Variants in MAST2 observed in about 807,000 individuals in gnomAD.
MAST2 encodes microtubule-associated serine/threonine-protein kinase 2.
MAST2 carries 70 observed loss-of-function variants against 147.4 expected under a neutral mutation model. The ratio of observed to expected loss-of-function variants is 0.47; its 90% CI spans 0.39 to 0.58. MAST2 has a LOEUF of 0.58. Ranked by LOEUF, MAST2 falls within the 20% of genes least tolerant of loss-of-function variation. The probability of loss-of-function intolerance (pLI) is 0.00; values close to 1 mark genes in which losing one functional copy is unlikely to be tolerated. For missense variants in MAST2, 2,080 were observed against 2,302.3 expected (o/e 0.90, Z 1.98); for synonymous variants, 869 against 896.8 (o/e 0.97, Z 0.55).
chr1:45,877,501 A>C (rs916788357), intron 3 of MAST2, among the ~76,000 whole-genome samples: 1 of 152,196 alleles, frequency 6.6e-6, no homozygotes, highest in African/African-American at 2.4e-5. Context: ...TTTAAAGTCC[A>C]ATGTGAATTT....
intron 5 of MAST2, among the ~76,000 whole-genome samples, chr1:45,976,170 T>C (rs1571022299): frequency 6.6e-6 from 1 of 151,814 alleles, no homozygotes; most frequent in South Asian, 2.1e-4. Flanking sequence ...AGAGACGGGG[T>C]ATCACCATGT....
At chr1:45,994,531 C>T (rs1644978776) in intron 5 of MAST2, among the ~76,000 whole-genome samples, 1 of 152,040 alleles carries the variant, frequency 6.6e-6, no homozygotes, top group South Asian at 2.1e-4. Flanking sequence ...AGGCGATCTG[C>T]CTGCCTCGGC....
chr1:45,827,917 C>G (rs1644840983), intron 2 of MAST2, among the ~76,000 whole-genome samples: 1 of 152,126 alleles, frequency 6.6e-6, no homozygotes, highest in Non-Finnish European at 1.5e-5. Flanking sequence ...CCTTGACCAC[C>G]TGAGCTCAGG....
At chr1:45,866,968 C>G (rs988841935) in intron 3 of MAST2, among the ~76,000 whole-genome samples, 4 of 152,106 alleles carry the variant, frequency 2.6e-5, no homozygotes, top group East Asian at 3.9e-4. Context: ...CCAGCCGGGT[C>G]TCAAACTCCT....
At chr1:45,874,821 G>A (rs1432385241) in intron 3 of MAST2, among the ~76,000 whole-genome samples, 1 of 152,140 alleles carries the variant, frequency 6.6e-6, no homozygotes, top group African/African-American at 2.4e-5. Flanking sequence ...GTATGATTGA[G>A]GAATTAAAGG....
At chr1:45,988,716 AT>A (rs914850927) in intron 5 of MAST2, among the ~76,000 whole-genome samples, 84 of 152,300 alleles carry the variant, frequency 5.5e-4, no homozygotes, top group African/African-American at 2.0e-3. Context: ...TCAGACTGTA[AT>A]CCATTAATAC....
chr1:45,951,137 C>T (rs1401129117), intron 4 of MAST2, among the ~76,000 whole-genome samples: 1 of 151,826 alleles, frequency 6.6e-6, no homozygotes, highest in African/African-American at 2.4e-5. Context: ...GTGAGGATTG[C>T]TTGTGTCAGG....
chr1:45,929,894 T>G (rs1051599617), intron 4 of MAST2, among the ~76,000 whole-genome samples: 4 of 152,256 alleles, frequency 2.6e-5, no homozygotes, highest in South Asian at 2.1e-4. Flanking sequence ...TTATTAGATA[T>G]TGTCCAGTTT....
At chr1:45,986,338 T>G (rs1237613479) in intron 5 of MAST2, among the ~76,000 whole-genome samples, 1 of 152,196 alleles carries the variant, frequency 6.6e-6, no homozygotes, top group African/African-American at 2.4e-5. Context: ...ATTGATTGAT[T>G]TTCAGATTTT....
chr1:45,880,291 C>T (rs949818923), intron 3 of MAST2, among the ~76,000 whole-genome samples: 1 of 152,120 alleles, frequency 6.6e-6, no homozygotes, highest in South Asian at 2.1e-4. Context: ...TTGAAGAAGC[C>T]TATGTAAAAA....
At chr1:45,825,410 C>CT (rs1023129431) in intron 2 of MAST2, among the ~76,000 whole-genome samples, 1 of 151,332 alleles carries the variant, frequency 6.6e-6, no homozygotes, top group Non-Finnish European at 1.5e-5. Context: ...ACATTCTCCT[C>CT]TTTTTTTAAA....
chr1:45,959,190 A>C (rs1469085231), intron 4 of MAST2, among the ~76,000 whole-genome samples, 196 bp from the exon 5 acceptor site: 1 of 152,154 alleles, frequency 6.6e-6, no homozygotes, highest in East Asian at 1.9e-4. Flanking sequence ...GCAGTGAAAA[A>C]AGTTATTCCA....
At chr1:45,906,043 T>G (rs1442339982) in intron 4 of MAST2, among the ~76,000 whole-genome samples, 2 of 152,184 alleles carry the variant, frequency 1.3e-5, no homozygotes, top group Non-Finnish European at 2.9e-5. Flanking sequence ...AGATGAATAA[T>G]GATGGTGAAT....
intron 1 of MAST2, among the ~76,000 whole-genome samples, chr1:45,804,520 A>G (rs1644082527): frequency 6.6e-6 from 1 of 152,232 alleles, no homozygotes; most frequent in African/African-American, 2.4e-5. Context: ...TGATTTGGCC[A>G]TCATTATACT....
chr1:45,898,912 A>C (rs72690893), intron 4 of MAST2, among the ~76,000 whole-genome samples: 2 of 152,028 alleles, frequency 1.3e-5, no homozygotes, highest in South Asian at 2.1e-4. Context: ...GCATCCCTCA[A>C]ATCTCCTTAG....
chr1:45,872,141 T>C (rs369775328), intron 3 of MAST2, among the ~76,000 whole-genome samples: 6 of 152,346 alleles, frequency 3.9e-5, no homozygotes, highest in Non-Finnish European at 7.3e-5. Context: ...TTAATTTCCT[T>C]CTCTGGAAAG....
rs914836506 is a variant in MAST2 at position 46,022,059 on chromosome 1, G to T, written c.1400G>T (p.Gly467Val). Residue 467 changes from glycine (G) to valine (V), a missense_variant, in exon 12 of 29, where the codon GGC becomes GTC. Coordinates refer to ENST00000361297, the MANE Select transcript of MAST2 (RefSeq NM_015112.3). ...DIPRYIVSQL[G>V]LTRDPLEEMA... is the part of the protein sequence containing the mutation. ...CCCCGCTACATCGTTAGCCAGCTGG[G>T]CCTCACCCGGGATCCCCTAGAAGGT... 1 of 1,614,152 alleles carries T rather than the reference G, an allele frequency of 6.2e-7. No individual in the cohort carries two copies. The highest frequency in any genetic ancestry group is 1.7e-5 in the Admixed American group (1 of 60,022).
chr1:45,980,275 C>CAAAAAAAA (rs35235290), intron 5 of MAST2, among the ~76,000 whole-genome samples: 2 of 84,028 alleles, frequency 2.4e-5, no homozygotes, highest in South Asian at 4.2e-4. Flanking sequence ...ACTGTGTTTC[C>CAAAAAAAA]AAAAAAAAAA....
chr1:45,866,283 C>T (rs1024818424), intron 3 of MAST2, among the ~76,000 whole-genome samples: 7 of 152,072 alleles, frequency 4.6e-5, no homozygotes, highest in African/African-American at 1.4e-4. Context: ...TAAACTCCAG[C>T]GCCTTATACT....
Sources: gnomAD v4.1 joint callset for allele counts (sites outside exome capture counted in the v4.1 genomes callset) on GRCh38, gnomAD v4.1.1 for gene constraint, MANE v1.5 for transcripts, NCBI Gene and HGNC (gene_info 2026-07-23, HGNC 2026-07-21) for gene names.